Variants in USP35 observed in about 807,000 individuals in gnomAD.
The protein encoded by USP35 is ubiquitin specific peptidase 35.
A neutral mutation model predicts 83.8 loss-of-function variants in USP35; 69 were observed. The observed-to-expected ratio is 0.82, with a 90% CI of 0.68 to 1.01. The LOEUF (loss-of-function observed/expected upper bound fraction) is 1.01, where lower values mean the gene tolerates loss of function less well. USP35 is among the 50% of genes least tolerant of loss of function. The pLI is 0.00. For synonymous variants in USP35, 714 were observed against 589.5 expected (o/e 1.21, Z -3.06); for missense variants, 1,503 against 1,362.5 (o/e 1.10, Z -1.62).
Position 78,197,950 on chromosome 11 carries a change from T to C in USP35, c.688T>C (p.Ser230Pro), listed in dbSNP as rs1863206052. Reference sequence around the variant, plus strand: ...CCCTGTTCCAGAGGAGGAGCCACCATCTAGCGCCCTGGCCAGCGTGGTCCA... The same window carrying C: ...CCCTGTTCCAGAGGAGGAGCCACCACCTAGCGCCCTGGCCAGCGTGGTCCA... Reference protein sequence around the residue: ...VISCAEEEPPSSALASVVQHL... With the variant: ...VISCAEEEPPPSALASVVQHL... The change falls in exon 3 of 11, where the codon TCT becomes CCT. Residue 230 changes from serine to proline, a missense_variant. Physicochemically the swap from Ser to Pro is moderately conservative, Grantham distance 74. Coordinates refer to ENST00000529308, the MANE Select transcript of USP35 (RefSeq NM_020798.4). 1 of 1,614,028 alleles carries C rather than the reference T, an allele frequency of 6.2e-7. No individual in the cohort carries two copies. The highest frequency in any genetic ancestry group is 8.5e-7 in the Non-Finnish European group (1 of 1,179,998).
At chr11:78,230,307 A>G in the USP35 span, among the ~76,000 whole-genome samples, 1 of 152,020 alleles carries the variant, frequency 6.6e-6, no homozygotes, top group East Asian at 1.9e-4. Flanking sequence ...TCACAGAACT[A>G]CTCACTCATC....
the USP35 span, chr11:78,223,623 A>G: frequency 1.2e-6 from 2 of 1,613,252 alleles, no homozygotes; most frequent in Admixed American, 1.7e-5. Context: ...TCATGGGCAC[A>G]TAGTTGTCTT....
intron 6 of USP35, among the ~76,000 whole-genome samples, chr11:78,203,305 G>T (rs566950775): frequency 1.1e-4 from 16 of 152,260 alleles, no homozygotes; most frequent in Admixed American, 2.6e-4. Flanking sequence ...CGGAGGGGAG[G>T]CATGGAAGTG....
Position 78,208,886 on chromosome 11 carries a change from C to G in USP35, c.1515C>G (p.Leu505=). 7 of 1,614,232 alleles carry G rather than the reference C, an allele frequency of 4.3e-6. No homozygotes were observed. Among genetic ancestry groups the G allele is most frequent in the Non-Finnish European group, 5.9e-6 (7 of 1,180,046 alleles). ...QRPAISPENF[L]SASWTPWFSP... is the part of the protein sequence containing the mutation. ...CTGCCATTTCCCCAGAGAACTTCCT[C>G]TCCGCATCCTGGACGCCCTGGTTCA... The change falls in exon 9 of 11, where the codon CTC becomes CTG. Residue 505 remains leucine, a synonymous_variant. Transcript: ENST00000529308.
rs1188164846 is a variant in USP35 at position 78,214,117 on chromosome 11, A to C, written c.*304A>C. 1 of 301,520 alleles carries C rather than the reference A, an allele frequency of 3.3e-6. No individual in the cohort carries two copies. Among genetic ancestry groups the C allele is most frequent in the Non-Finnish European group, 6.1e-6 (1 of 164,540 alleles). 18.7% of individuals were successfully genotyped at this position (301,520 alleles called of 1,614,324 possible). On this transcript the variant is annotated 3_prime_UTR_variant, in exon 11 of 11. Coordinates refer to ENST00000529308, the MANE Select transcript of USP35 (RefSeq NM_020798.4). ...CCTAGCAGGCTCCCCATGCGGGAAG[A>C]TCTGATGATGTTCAGGAAACAGGCT...
chr11:78,213,671 G>A lies in USP35; in HGVS notation c.2915G>A (p.Arg972Lys). Residue 972 changes from arginine (R) to lysine (K), a missense_variant, in exon 11 of 11, where the codon AGG becomes AAG. Transcript: ENST00000529308. ...LQEQEKEARS[R>K]AAYISALPTS... ...GAGCAGGAGAAGGAGGCCCGGAGCAGGGCGGCCTACATCTCTGCACTCCCC... is the reference window on the plus strand; with the variant it reads ...GAGCAGGAGAAGGAGGCCCGGAGCAAGGCGGCCTACATCTCTGCACTCCCC... 1 of 1,506,494 alleles carries A rather than the reference G, an allele frequency of 6.6e-7. No individual in the cohort carries two copies. Among genetic ancestry groups the A allele is most frequent in the Non-Finnish European group, 8.8e-7 (1 of 1,134,982 alleles). The allele number at this position is 1,506,494 out of a possible 1,614,324, so 93.3% of individuals were successfully genotyped here. A position where few individuals can be genotyped will look rare whatever the true frequency, so the allele number is the denominator to read the frequency against.
intron 10 of USP35, among the ~76,000 whole-genome samples, chr11:78,212,388 T>A (rs529271878): frequency 2.0e-4 from 31 of 152,340 alleles, no homozygotes; most frequent in Admixed American, 2.0e-3. Flanking sequence ...CTTCCACTTT[T>A]GTTCTTTTTG....
the USP35 span, among the ~76,000 whole-genome samples, chr11:78,231,336 GGTGTGTGTGTGTGTGTGT>G: frequency 1.4e-5 from 2 of 145,796 alleles, no homozygotes; most frequent in African/African-American, 2.6e-5. Context: ...GCGCGTGTGT[GGTGTGTGTGTGTGTGTGT>G]GTGTGTGTGT....
At chr11:78,226,432 T>G in the USP35 span, 1 of 1,521,792 alleles carries the variant, frequency 6.6e-7, no homozygotes, top group Non-Finnish European at 9.1e-7. Flanking sequence ...TACCTCCTCC[T>G]CCCTCTGAGT....
At chr11:78,200,339 T>C in intron 5 of USP35, 105 bp downstream of exon 5, 1 of 1,364,762 alleles carries the variant, frequency 7.3e-7, no homozygotes, top group Middle Eastern at 1.9e-4. Flanking sequence ...GACCCTGGGC[T>C]CTTGGGGCAG....
chr11:78,211,511 T>C (rs1012744147), intron 10 of USP35, among the ~76,000 whole-genome samples: 1 of 152,152 alleles, frequency 6.6e-6, no homozygotes, highest in African/African-American at 2.4e-5. Context: ...TGCCTCTAGG[T>C]CTTTGAGGAA....
chr11:78,213,716 G>A lies in USP35; in HGVS notation c.2960G>A (p.Arg987Lys), dbSNP rs60872109. The A allele has an allele frequency of 2.2e-3, 3,299 of 1,533,920 alleles. 63 individuals are homozygous for A. The African/African-American group carries it at 0.042, about 19-fold the overall frequency. Reference sequence around the variant, plus strand: ...CTCCCCACATCTCCGCACTGGGGGAGGGGCTTTGATGAAGACAAGGATGAG... The same window carrying A: ...CTCCCCACATCTCCGCACTGGGGGAAGGGCTTTGATGAAGACAAGGATGAG... ...SALPTSPHWG[R>K]GFDEDKDEDE... is the part of the protein sequence containing the mutation. The change falls in exon 11 of 11, where the codon AGG (arginine) becomes AAG (lysine). Residue 987 changes from arginine (R) to lysine (K), a missense_variant. Physicochemically the swap from Arg to Lys is conservative, Grantham distance 26 (BLOSUM62 2). Transcript: ENST00000529308.
At chr11:78,230,791 C>T in the USP35 span, among the ~76,000 whole-genome samples, 1 of 152,342 alleles carries the variant, frequency 6.6e-6, no homozygotes, top group East Asian at 1.9e-4. Flanking sequence ...CTGGGTGCCC[C>T]CACTGCGCAA....
At chr11:78,236,452 C>CT in the USP35 span, among the ~76,000 whole-genome samples, 3 of 152,128 alleles carry the variant, frequency 2.0e-5, no homozygotes, top group Non-Finnish European at 2.9e-5. Context: ...CACCAGGACT[C>CT]TTATTTATTT....
chr11:78,194,167 C>T (rs974659466), intron 1 of USP35, among the ~76,000 whole-genome samples: 1 of 146,914 alleles, frequency 6.8e-6, no homozygotes, highest in African/African-American at 2.7e-5. Context: ...GAGGCACACA[C>T]TCTTGGCATG....
chr11:78,198,781 TACTC>T (rs1429531721), intron 3 of USP35: 1 of 816,518 alleles, frequency 1.2e-6, no homozygotes, highest in African/African-American at 1.9e-5. Flanking sequence ...TTGGACAAGT[TACTC>T]AACCTCTCTG....
At chr11:78,189,421 T>C (rs1457984422) in intron 1 of USP35, among the ~76,000 whole-genome samples, 2 of 152,182 alleles carry the variant, frequency 1.3e-5, no homozygotes, top group Non-Finnish European at 2.9e-5. Context: ...ACCTAGTACA[T>C]TCGCTTGCTG....
rs111664208 is a variant in USP35 at position 78,205,367 on chromosome 11, C to G, written c.1198-475C>G. 3.7e-4 allele frequency among the ~76,000 whole-genome samples: 57 copies of G among 152,322 alleles called. No homozygotes were observed. In the Middle Eastern group the frequency reaches 0.014, roughly 36 times the overall value. On this transcript the variant is annotated intron_variant, in intron 6 of 10. Transcript: ENST00000529308. ...CCAAACTGACACAAGGTAGGAGTAT[C>G]ATCACTTGACAGATGAGGAAACTGA...
the USP35 span, chr11:78,220,329 G>A: frequency 6.2e-7 from 1 of 1,612,496 alleles, no homozygotes; most frequent in Non-Finnish European, 8.5e-7. Context: ...CTTGCGGTGG[G>A]GGCTTGGGGA....
Sources: gnomAD v4.1 joint callset for allele counts (sites outside exome capture counted in the v4.1 genomes callset) on GRCh38, gnomAD v4.1.1 for gene constraint, MANE v1.5 for transcripts, NCBI Gene and HGNC (gene_info 2026-07-23, HGNC 2026-07-21) for gene names.